Variants in ARHGAP39 observed in about 807,000 individuals in gnomAD.
The protein encoded by ARHGAP39 is rho GTPase-activating protein 39.
In ARHGAP39, 44 loss-of-function variants were observed where a neutral mutation model predicts 106.9. The observed-to-expected ratio is 0.41, with a 90% CI of 0.32 to 0.53. The LOEUF (loss-of-function observed/expected upper bound fraction) is 0.53. Ranked by LOEUF, ARHGAP39 falls within the 20% of genes least tolerant of loss-of-function variation. The pLI is 0.21. For synonymous variants in ARHGAP39, 768 were observed against 693.2 expected, an observed-to-expected ratio of 1.11 and a Z score of -1.69; for missense variants, 1,496 against 1,577.3, an observed-to-expected ratio of 0.95 and a Z score of 0.87.
chr8:144,605,575 C>T lies in ARHGAP39; in HGVS notation c.40G>A (p.Val14Ile), dbSNP rs771082529. The change falls in exon 2 of 12, where the codon GTC becomes ATC. Residue 14 changes from valine (V) to isoleucine (I), a missense_variant. Val to Ile is a conservative substitution (Grantham distance 29). Coordinates refer to ENST00000377307, the MANE Select transcript of ARHGAP39 (RefSeq NM_025251.3). ...TQDYECRSHN[V>I]DLPESRIPGS... ...GGAATCCTCGACTCCGGCAGGTCGACATTATGGCTCCTGCACTCGTAGTCC... is the reference window on the plus strand; with the variant it reads ...GGAATCCTCGACTCCGGCAGGTCGATATTATGGCTCCTGCACTCGTAGTCC... 4.3e-6 allele frequency: 7 copies of T among 1,613,984 alleles called. No individual in the cohort carries two copies. The highest frequency in any genetic ancestry group is 5.1e-6 in the Non-Finnish European group (6 of 1,180,046).
In ARHGAP39 at chr8:144,529,467, G is replaced by C. The variant is rs115814584; in HGVS notation, c.*955C>G. ...CCCCAGCAGCTCTGGCCCCGAGAAC[G>C]GACAGTCCCGGGCCCGGCGCCTTCC... On this transcript the variant is annotated 3_prime_UTR_variant, in exon 12 of 12. Coordinates refer to ENST00000377307, the MANE Select transcript of ARHGAP39 (RefSeq NM_025251.3). 6.6e-6 allele frequency: 1 copy of C among 151,290 alleles called. No individual in the cohort carries two copies. The highest frequency in any genetic ancestry group is 6.6e-5 in the Admixed American group (1 of 15,216). 9.4% of individuals were successfully genotyped at this position (151,290 alleles called of 1,614,324 possible).
intron 3 of ARHGAP39, among the ~76,000 whole-genome samples, chr8:144,580,453 G>A (rs1818929455): frequency 6.6e-6 from 1 of 152,198 alleles, no homozygotes; most frequent in Admixed American, 6.5e-5. Flanking sequence ...GAGGCTGAGC[G>A]CCAGGCTCTG....
At chr8:144,682,960 T>C (rs1013669789) in intron 1 of ARHGAP39, among the ~76,000 whole-genome samples, 1 of 151,578 alleles carries the variant, frequency 6.6e-6, no homozygotes, top group Non-Finnish European at 1.5e-5. Context: ...AAGGCTGCAG[T>C]GAGCCATGAT....
chr8:144,589,571 G>A (rs967103014), intron 2 of ARHGAP39, among the ~76,000 whole-genome samples: 1 of 152,238 alleles, frequency 6.6e-6, no homozygotes, highest in South Asian at 2.1e-4. Context: ...TCCCAAACGA[G>A]GCCCTCTGCC....
At chr8:144,582,292 C>G (rs922129854) in intron 2 of ARHGAP39, among the ~76,000 whole-genome samples, 4 of 152,182 alleles carry the variant, frequency 2.6e-5, no homozygotes, top group Middle Eastern at 3.2e-3. Context: ...CATCCCACGT[C>G]CCACCCTTTG....
intron 1 of ARHGAP39, among the ~76,000 whole-genome samples, chr8:144,606,329 C>T (rs1820290510): frequency 6.6e-6 from 1 of 152,210 alleles, no homozygotes; most frequent in African/African-American, 2.4e-5. Flanking sequence ...TCTGCCTCCC[C>T]TGAGACAGCA....
chr8:144,559,503 C>T (rs1259680641), intron 3 of ARHGAP39, among the ~76,000 whole-genome samples: 4 of 151,208 alleles, frequency 2.6e-5, no homozygotes, highest in South Asian at 4.2e-4. Context: ...AATTTTTGTA[C>T]ACAGCAAGTA....
chr8:144,582,700 C>CG (rs1244727455), intron 2 of ARHGAP39, among the ~76,000 whole-genome samples: 1 of 152,202 alleles, frequency 6.6e-6, no homozygotes, highest in South Asian at 2.1e-4. Flanking sequence ...GAGGATGAGG[C>CG]GGGTGGGACT....
At position 144,583,531 on chromosome 8, in the gene ARHGAP39, G is replaced by A. The variant is rs186742371; in HGVS notation, c.81-2254C>T. ...CCGTCTCCCCAGCTACGAGGATCTCGTGGGGATCCCGTAAGGCCCCTGACA... is the reference window on the plus strand; with the variant it reads ...CCGTCTCCCCAGCTACGAGGATCTCATGGGGATCCCGTAAGGCCCCTGACA... On this transcript the variant is annotated intron_variant, in intron 2 of 11. Transcript: ENST00000377307. Among the ~76,000 whole-genome samples, 38 of 152,272 alleles carry A rather than the reference G, an allele frequency of 2.5e-4. No individual in the cohort carries two copies. In the East Asian group the frequency reaches 6.6e-3, roughly 26 times the overall value.
At chr8:144,533,977 C>T (rs1414324296) in intron 8 of ARHGAP39, 152 bp downstream of exon 8, 1 of 826,946 alleles carries the variant, frequency 1.2e-6, no homozygotes, top group East Asian at 2.6e-5. Flanking sequence ...CGGGGTCAGC[C>T]TAGCGTACCC....
intron 10 of ARHGAP39, among the ~76,000 whole-genome samples, chr8:144,531,353 AAGGGCAC>A (rs200358762): frequency 0.013 from 11 of 830 alleles, 1 homozygote; most frequent in Non-Finnish European, 0.019. Context: ...GGCACGGCAG[AAGGGCAC>A]AGGGCAGCGA....
chr8:144,599,902 G>A (rs1819780805), intron 2 of ARHGAP39, among the ~76,000 whole-genome samples: 1 of 152,194 alleles, frequency 6.6e-6, no homozygotes, highest in Non-Finnish European at 1.5e-5. Context: ...ATGAGCAAGT[G>A]AGTAAACACA....
chr8:144,614,354 A>ATT (rs553972832), intron 1 of ARHGAP39, among the ~76,000 whole-genome samples: 2,115 of 136,616 alleles, frequency 0.015, 55 homozygotes, highest in African/African-American at 0.048. Context: ...TCCTGTTACT[A>ATT]TTTTTTTTTT....
chr8:144,559,557 C>T (rs1376759828), intron 3 of ARHGAP39, among the ~76,000 whole-genome samples: 1 of 152,076 alleles, frequency 6.6e-6, no homozygotes, highest in East Asian at 1.9e-4. Flanking sequence ...ACTAAGTAAG[C>T]ACATTGCTCC....
intron 1 of ARHGAP39, among the ~76,000 whole-genome samples, chr8:144,606,585 T>C (rs139258502): frequency 6.6e-6 from 1 of 152,222 alleles, no homozygotes; most frequent in Non-Finnish European, 1.5e-5. Flanking sequence ...AGCAGGCTGT[T>C]TGTAGTTAAG....
intron 1 of ARHGAP39, among the ~76,000 whole-genome samples, chr8:144,622,108 A>G (rs1231063226): frequency 6.6e-6 from 1 of 152,166 alleles, no homozygotes; most frequent in Non-Finnish European, 1.5e-5. Flanking sequence ...GAAAACACAC[A>G]CAAGACTGAG....
rs888951178 is a variant in ARHGAP39 at position 144,529,288 on chromosome 8, A to G, written c.*1134T>C. The G allele has an allele frequency of 1.0e-5, 2 of 195,124 alleles. No individual in the cohort carries two copies. Among genetic ancestry groups the G allele is most frequent in the Non-Finnish European group, 2.1e-5 (2 of 96,802 alleles). 12.1% of individuals were successfully genotyped at this position (195,124 alleles called of 1,614,324 possible). A position where few individuals can be genotyped will look rare whatever the true frequency, so the allele number is the denominator to read the frequency against. ...CAAAGGCCCCGGGACCACCCGACTG[A>G]GGACGCCGCCCAGGCCTCGGCAGGG... On this transcript the variant is annotated 3_prime_UTR_variant, in exon 12 of 12. Coordinates refer to ENST00000377307, the MANE Select transcript of ARHGAP39 (RefSeq NM_025251.3).
rs141659997 is a variant in ARHGAP39 at position 144,565,849 on chromosome 8, C to T, written c.513-10206G>A. ...ACAGTGGCTCACACTTGTCGCACTA[C>T]GGGAGGCTGAGGCGGGAGGATCGCT... On this transcript the variant is annotated intron_variant, in intron 3 of 11. Transcript: ENST00000377307. 1.1e-4 allele frequency among the ~76,000 whole-genome samples: 17 copies of T among 148,152 alleles called. No individual in the cohort carries two copies. In the East Asian group the frequency reaches 2.0e-3, roughly 18 times the overall value.
rs1416223097 is a variant in ARHGAP39 at position 144,646,221 on chromosome 8, C to T, written c.-82+39465G>A. On this transcript the variant is annotated intron_variant, in intron 1 of 11. Coordinates refer to ENST00000377307, the MANE Select transcript of ARHGAP39 (RefSeq NM_025251.3). This position sits in a 1 kb window ranked among gnomAD's most constrained non-coding sequence, Gnocchi z 5.7. ...CTCTCTGTGCAGACAGGGCAACAACCGCAAACGTGTTCAACAGGGAAGAGC... is the reference window on the plus strand; with the variant it reads ...CTCTCTGTGCAGACAGGGCAACAACTGCAAACGTGTTCAACAGGGAAGAGC... 2.6e-5 allele frequency among the ~76,000 whole-genome samples: 4 copies of T among 152,174 alleles called. No homozygotes were observed. The highest frequency in any genetic ancestry group is 5.9e-5 in the Non-Finnish European group (4 of 68,034).
Sources: allele counts gnomAD v4.1 joint callset (sites outside exome capture counted in the v4.1 genomes callset), GRCh38; gene constraint gnomAD v4.1.1; non-coding constraint Gnocchi (gnomAD v3.1); transcripts MANE v1.5; gene names NCBI Gene and HGNC (gene_info 2026-07-23, HGNC 2026-07-21).